The following CSMD3 variants were observed in gnomAD, a reference collection of about 807,000 sequenced individuals.
CSMD3 encodes CUB and sushi domain-containing protein 3.
CSMD3 carries 177 observed loss-of-function variants against 435.2 expected under a neutral mutation model. That is an observed-to-expected ratio of 0.41 (90% CI 0.36 to 0.46). The LOEUF (loss-of-function observed/expected upper bound fraction) is 0.46. CSMD3 is among the 20% of genes least tolerant of loss of function. The pLI, the probability that CSMD3 is intolerant of heterozygous loss-of-function variation, is 0.34. For synonymous variants in CSMD3, 1,656 were observed against 1,520.5 expected (o/e 1.09, Z -2.07); for missense variants, 4,265 against 4,504.6 (o/e 0.95, Z 1.52).
chr8:113,049,396 T>C (rs922514963), intron 5 of CSMD3, among the ~76,000 whole-genome samples: 1 of 149,886 alleles, frequency 6.7e-6, no homozygotes, highest in African/African-American at 2.5e-5. Flanking sequence ...TTCTCTGTTC[T>C]AGTAGGAAAA....
At chr8:112,898,781 C>T (rs1476109203) in intron 10 of CSMD3, among the ~76,000 whole-genome samples, 1 of 151,070 alleles carries the variant, frequency 6.6e-6, no homozygotes, top group Non-Finnish European at 1.5e-5. Flanking sequence ...CTTTTTATCA[C>T]ACATAAAATT....
intron 31 of CSMD3, among the ~76,000 whole-genome samples, chr8:112,486,612 T>C (rs1161770325): frequency 2.0e-5 from 3 of 152,176 alleles, no homozygotes; most frequent in African/African-American, 7.2e-5. Context: ...TACATGTTTA[T>C]ATATGCTGAA....
chr8:112,547,978 A>G (rs192285930), intron 27 of CSMD3, among the ~76,000 whole-genome samples: 1 of 152,260 alleles, frequency 6.6e-6, no homozygotes, highest in Admixed American at 6.5e-5. Flanking sequence ...AGGGAAGAAT[A>G]ATTTAGGTAA....
At chr8:112,285,848 C>T (rs959781190) in intron 58 of CSMD3, among the ~76,000 whole-genome samples, 3 of 151,778 alleles carry the variant, frequency 2.0e-5, no homozygotes, top group East Asian at 3.9e-4. Context: ...CATCCGGAGT[C>T]GCTAGGACTA....
chr8:112,858,141 T>A (rs1459717401), intron 11 of CSMD3, among the ~76,000 whole-genome samples: 1 of 151,638 alleles, frequency 6.6e-6, no homozygotes, highest in Admixed American at 6.6e-5. Flanking sequence ...TGATAAGTGA[T>A]CACAAAAATT....
At chr8:112,575,053 T>G (rs1020508196) in intron 23 of CSMD3, among the ~76,000 whole-genome samples, 1 of 152,104 alleles carries the variant, frequency 6.6e-6, no homozygotes, top group Non-Finnish European at 1.5e-5. Flanking sequence ...TATACTAGAT[T>G]GTTGGTTTTA....
chr8:113,315,207 A>G (rs1256291129), intron 1 of CSMD3, among the ~76,000 whole-genome samples: 1 of 151,874 alleles, frequency 6.6e-6, no homozygotes, highest in African/African-American at 2.4e-5. Flanking sequence ...CAAAGAATTA[A>G]CTCCATTTTT....
At chr8:112,554,189 CAG>C (rs1260760968) in intron 25 of CSMD3, among the ~76,000 whole-genome samples, 1 of 150,982 alleles carries the variant, frequency 6.6e-6, no homozygotes, top group Non-Finnish European at 1.5e-5. Context: ...ATAAGGAAGA[CAG>C]AGAGAGAGAG....
intron 27 of CSMD3, among the ~76,000 whole-genome samples, chr8:112,518,380 T>TG (rs1054677035): frequency 1.3e-5 from 2 of 151,738 alleles, no homozygotes; most frequent in African/African-American, 4.8e-5. Flanking sequence ...TGGTGGTGCA[T>TG]GCCTGCAGTC....
At chr8:113,082,044 C>T (rs994409987) in intron 5 of CSMD3, among the ~76,000 whole-genome samples, 1 of 152,162 alleles carries the variant, frequency 6.6e-6, no homozygotes, top group South Asian at 2.1e-4. Context: ...CTGACCATCA[C>T]TATGTGCCAC....
intron 22 of CSMD3, among the ~76,000 whole-genome samples, chr8:112,611,405 A>C (rs1015813282): frequency 2.0e-5 from 3 of 152,206 alleles, no homozygotes; most frequent in African/African-American, 7.2e-5. Flanking sequence ...CTTTAATTTT[A>C]CTAGTGAGTT....
intron 1 of CSMD3, among the ~76,000 whole-genome samples, chr8:113,340,523 G>T (rs1014026012): frequency 6.6e-6 from 1 of 151,946 alleles, no homozygotes; most frequent in Non-Finnish European, 1.5e-5. Context: ...AAATATTTTT[G>T]TATGCTAAGT....
intron 31 of CSMD3, among the ~76,000 whole-genome samples, chr8:112,485,940 CTT>C (rs549602181): frequency 2.0e-4 from 28 of 139,032 alleles, no homozygotes; most frequent in Admixed American, 1.4e-4. Context: ...TGACTTAAAT[CTT>C]TTTTTTTTTT....
rs552592665 is a variant in CSMD3 at position 112,351,926 on chromosome 8, A to G, written c.6255+490T>C. Among the ~76,000 whole-genome samples the G allele has an allele frequency of 3.3e-5, 5 of 152,166 alleles. No individual in the cohort carries two copies. The East Asian group carries it at 9.7e-4, about 29-fold the overall frequency. ...AATCAAAAAAGATCAATATAAATAC[A>G]TAAAATCAGAATATACATTGCAAAT... On this transcript the variant is annotated intron_variant, in intron 39 of 70. Coordinates refer to ENST00000297405, the MANE Select transcript of CSMD3 (RefSeq NM_198123.2).
intron 53 of CSMD3, 27 bp from the exon 54 acceptor site, chr8:112,296,033 T>G (rs777917877): frequency 6.4e-7 from 1 of 1,552,058 alleles, no homozygotes; most frequent in East Asian, 2.3e-5. Context: ...AGTAATATTT[T>G]TAATACTGTG....
chr8:113,411,299 G>A (rs2129793221), intron 1 of CSMD3, among the ~76,000 whole-genome samples: 1 of 152,216 alleles, frequency 6.6e-6, no homozygotes, highest in African/African-American at 2.4e-5. Context: ...AACCTCCAGA[G>A]ACACTAAGGC....
intron 3 of CSMD3, among the ~76,000 whole-genome samples, chr8:113,250,591 G>C (rs2093325933): frequency 6.6e-6 from 1 of 152,084 alleles, no homozygotes; most frequent in South Asian, 2.1e-4. Context: ...TAAAAGAAAA[G>C]AGATTGTGTG....
chr8:112,538,424 T>C (rs1162496745), intron 27 of CSMD3, among the ~76,000 whole-genome samples: 1 of 152,130 alleles, frequency 6.6e-6, no homozygotes, highest in South Asian at 2.1e-4. Flanking sequence ...TGTGTGCAGA[T>C]GACATGATCT....
chr8:113,179,157 T>C lies in CSMD3; in HGVS notation c.515-5241A>G, dbSNP rs547562484. Among the ~76,000 whole-genome samples the C allele has an allele frequency of 1.1e-4, 16 of 151,942 alleles. No homozygotes were observed. In the East Asian group the frequency reaches 2.9e-3, roughly 28 times the overall value. ...ATTAGTAGCCAAAATGATGTATGCA[T>C]ATTATTTTAATATGAGAATACCAAT... is the stretch of plus-strand genomic sequence containing the variant. On this transcript the variant is annotated intron_variant, in intron 3 of 70. Transcript: ENST00000297405.
Sources: gnomAD v4.1 joint callset for allele counts (sites outside exome capture counted in the v4.1 genomes callset) on GRCh38, gnomAD v4.1.1 for gene constraint, MANE v1.5 for transcripts, NCBI Gene and HGNC (gene_info 2026-07-23, HGNC 2026-07-21) for gene names.